Variants in RSAD1 observed in about 807,000 individuals in gnomAD.
RSAD1 encodes the protein radical S-adenosyl methionine domain containing 1.
RSAD1 carries 34 observed loss-of-function variants against 46.2 expected under a neutral mutation model. That is an observed-to-expected ratio of 0.74 (90% CI 0.56 to 0.98). The LOEUF (loss-of-function observed/expected upper bound fraction) is 0.98. Ranked by LOEUF, RSAD1 falls within the 50% of genes least tolerant of loss-of-function variation. The pLI, the probability that RSAD1 is intolerant of heterozygous loss-of-function variation, is 0.00. For missense variants in RSAD1, 635 were observed against 592.3 expected (o/e 1.07, Z -0.75); for synonymous variants, 260 against 253.5 (o/e 1.03, Z -0.24).
rs1378329892 is a variant in RSAD1, at chr17:50,483,711, A to C, written c.1058A>C (p.Glu353Ala). 1 of 1,613,164 alleles carries C rather than the reference A, an allele frequency of 6.2e-7. No individual in the cohort carries two copies. Reference protein sequence around the residue: ...RVPLGRLELLEEVLALGLRTD... With the variant: ...RVPLGRLELLAEVLALGLRTD... ...CTTGGTGATTTTTCTTTGAGGCTGGAGGAAGTTTTGGCCCTGGGGCTACGC... is the reference window on the plus strand; with the variant it reads ...CTTGGTGATTTTTCTTTGAGGCTGGCGGAAGTTTTGGCCCTGGGGCTACGC... Residue 353 changes from glutamate (E) to alanine (A), a missense_variant, in exon 7 of 9, where the codon GAG becomes GCG. Physicochemically the swap from Glu to Ala is moderately radical, Grantham distance 107. Transcript: ENST00000258955.
chr17:50,483,824 C>A, intron 7 of RSAD1, 64 bp downstream of exon 7: 2 of 1,440,784 alleles, frequency 1.4e-6, no homozygotes, highest in South Asian at 1.3e-5. Context: ...ATGCCCCCTC[C>A]CTGCCACCCC....
intron 7 of RSAD1, 106 bp downstream of exon 7, chr17:50,483,866 G>C: frequency 8.8e-7 from 1 of 1,132,198 alleles, no homozygotes; most frequent in Non-Finnish European, 1.2e-6. Context: ...ATTTCTGTGA[G>C]ATTGGCAGCT....
chr17:50,482,336 G>A lies in RSAD1; in HGVS notation c.720G>A (p.Val240=), dbSNP rs2033390854. ...LERGTALFAQ[V]QRGALPAPDP... ...GGGGCACCGCACTCTTCGCCCAGGTGCAGCGGGGTGCCCTTCCAGCCCCTG... is the reference window on the plus strand; with the variant it reads ...GGGGCACCGCACTCTTCGCCCAGGTACAGCGGGGTGCCCTTCCAGCCCCTG... The change falls in exon 4 of 9, where the codon GTG becomes GTA. Residue 240 remains valine, a synonymous_variant. Coordinates refer to ENST00000258955, the MANE Select transcript of RSAD1 (RefSeq NM_018346.3). 1.2e-6 allele frequency: 2 copies of A among 1,612,488 alleles called. No homozygotes were observed. Among genetic ancestry groups the A allele is most frequent in the South Asian group, 2.2e-5 (2 of 90,828 alleles).
chr17:50,479,559 G>T (rs2033352951), intron 1 of RSAD1, 70 bp from the exon 2 acceptor site: 2 of 1,598,526 alleles, frequency 1.3e-6, no homozygotes, highest in South Asian at 2.3e-5. Flanking sequence ...TGGGGTTGGG[G>T]GTGTGTGCGA....
rs2033427079 is a variant in RSAD1 at position 50,484,531 on chromosome 17, G to A, written c.1197G>A (p.Leu399=). 3.7e-6 allele frequency: 6 copies of A among 1,613,310 alleles called. No homozygotes were observed. The highest frequency in any genetic ancestry group is 1.6e-4 in the Middle Eastern group (1 of 6,062). Residue 399 remains leucine (L), a synonymous_variant, in exon 8 of 9, where the codon CTG becomes CTA. Transcript: ENST00000258955. ...AGGAGCTGCTGGAGCGGGGCCTACT[G>A]CAGCTGGATCACAGGTGTGTTGGGG... ...EVQELLERGL[L]QLDHRGLRCS...
intron 6 of RSAD1, 22 bp downstream of exon 6, chr17:50,483,509 G>T: frequency 2.5e-6 from 4 of 1,610,708 alleles, no homozygotes; most frequent in Non-Finnish European, 1.7e-6. Context: ...AGGGCACAGG[G>T]CTCTCCTCCA....
In RSAD1 at chr17:50,483,024, T is replaced by C. The variant is rs182742915; in HGVS notation, c.905-316T>C. On this transcript the variant is annotated intron_variant, in intron 5 of 8. Transcript: ENST00000258955. ...CAAGAATTTATATGTCTTGGCATTT[T>C]GGGATAGATGATTAAAAAAAAAAGA... 2.0e-3 allele frequency among the ~76,000 whole-genome samples: 294 copies of C among 150,168 alleles called. 1 individual carries two copies. The highest frequency in any genetic ancestry group is 6.4e-3 in the African/African-American group (262 of 40,670).
At position 50,478,986 on chromosome 17, in the gene RSAD1, G is replaced by C; in HGVS notation, c.102G>C (p.Glu34Asp). 1 of 1,387,822 alleles carries C rather than the reference G, an allele frequency of 7.2e-7. No individual in the cohort carries two copies. 86.0% of individuals were successfully genotyped at this position (1,387,822 alleles called of 1,614,324 possible). Residue 34 changes from glutamate to aspartate, a missense_variant, in exon 1 of 9, where the codon GAG becomes GAC. Glu to Asp is a conservative substitution (Grantham distance 45). Transcript: ENST00000258955. ...ACGCAGGAGGGTCCCCGAGTCCTGA[G>C]CCTGCGGGCCGGCGCGCGGCGCTTT... ...VENAGGSPSP[E>D]PAGRRAALYV... is the part of the protein sequence containing the mutation.
Position 50,483,754 on chromosome 17 carries a change from T to C in RSAD1, c.1101T>C (p.Thr367=). The change falls in exon 7 of 9, where the codon ACT becomes ACC. Residue 367 remains threonine (T), a synonymous_variant. Transcript: ENST00000258955. ...ALGLRTDVGI[T]HQHWQQFEPQ... ...GGCTACGCACCGATGTGGGGATCACTCACCAGGTAAGGAGTTAGGATTCTT... is the reference window on the plus strand; with the variant it reads ...GGCTACGCACCGATGTGGGGATCACCCACCAGGTAAGGAGTTAGGATTCTT... 6.2e-7 allele frequency: 1 copy of C among 1,609,448 alleles called. No homozygotes were observed. Among genetic ancestry groups the C allele is most frequent in the Non-Finnish European group, 8.5e-7 (1 of 1,178,700 alleles).
intron 4 of RSAD1, 93 bp downstream of exon 4, chr17:50,482,549 G>A (rs1479498504): frequency 6.2e-7 from 1 of 1,611,896 alleles, no homozygotes; most frequent in Non-Finnish European, 8.5e-7. Context: ...GATCCTGGCC[G>A]AGATGGTGGG....
chr17:50,484,212 G>A (rs1010065297), intron 7 of RSAD1: 9 of 543,006 alleles, frequency 1.7e-5, no homozygotes, highest in Non-Finnish European at 2.6e-5. Flanking sequence ...GAAGAGAGGA[G>A]GCATAGAGGA....
chr17:50,483,671 T>G (rs2033413780), intron 6 of RSAD1, 35 bp from the exon 7 acceptor site: 1 of 1,612,976 alleles, frequency 6.2e-7, no homozygotes, highest in Admixed American at 1.7e-5. Flanking sequence ...AGCACAGGCC[T>G]CCTCTCTAAG....
chr17:50,483,921 G>T, intron 7 of RSAD1, 161 bp downstream of exon 7: 1 of 660,928 alleles, frequency 1.5e-6, no homozygotes, highest in Non-Finnish European at 2.6e-6. Context: ...GGCAGAAGCA[G>T]TGAGCAGTGG....
Position 50,483,502 on chromosome 17 carries a change from G to A in RSAD1, c.1052+15G>A. 1 of 1,611,322 alleles carries A rather than the reference G, an allele frequency of 6.2e-7. No homozygotes were observed. Among genetic ancestry groups the A allele is most frequent in the Non-Finnish European group, 8.5e-7 (1 of 1,178,764 alleles). On this transcript the variant is annotated intron_variant, in intron 6 of 8. Coordinates refer to ENST00000258955, the MANE Select transcript of RSAD1 (RefSeq NM_018346.3). ...AGGCTGGAGCTGTGAGCATCCAAGG[G>A]CACAGGGCTCTCCTCCAGGATCCCC... is the stretch of plus-strand genomic sequence containing the variant.
At chr17:50,484,204 A>G in intron 7 of RSAD1, 1 of 527,652 alleles carries the variant, frequency 1.9e-6, no homozygotes, top group Non-Finnish European at 3.4e-6. Context: ...AGGGGAGGGA[A>G]GAGAGGAGGC....
At position 50,479,100 on chromosome 17, in the gene RSAD1, G is replaced by T. The variant is rs149537626; in HGVS notation, c.135+81G>T. 5.9e-4 allele frequency: 738 copies of T among 1,254,342 alleles called. 1 individual carries two copies. The highest frequency in any genetic ancestry group is 3.2e-3 in the Admixed American group (81 of 24,970). The allele number at this position is 1,254,342 out of a possible 1,614,324, so 77.7% of individuals were successfully genotyped here. A position where few individuals can be genotyped will look rare whatever the true frequency, so the allele number is the denominator to read the frequency against. ...CGTGGCCGTCCAAAACCCAGGTGGC[G>T]GTTTGTCACTCTATGAACCCGCCTG... On this transcript the variant is annotated intron_variant, in intron 1 of 8. Transcript: ENST00000258955.
Position 50,484,928 on chromosome 17 carries a change from ATCTCT to A in RSAD1, c.*72_*76del, listed in dbSNP as rs1211493164. On this transcript the variant is annotated 3_prime_UTR_variant, in exon 9 of 9. Coordinates refer to ENST00000258955, the MANE Select transcript of RSAD1 (RefSeq NM_018346.3). ...TGAGAGCTGGGTCGGTACTGCAGAC[ATCTCT>A]TCTCCGTTGTCGGGTGCCGTCTCTG... 36 of 1,274,450 alleles carry A rather than the reference ATCTCT, an allele frequency of 2.8e-5. No individual in the cohort carries two copies. In the African/African-American group the frequency reaches 4.7e-4, roughly 17 times the overall value. 78.9% of individuals were successfully genotyped at this position (1,274,450 alleles called of 1,614,324 possible). A position where few individuals can be genotyped will look rare whatever the true frequency, so the allele number is the denominator to read the frequency against.
chr17:50,484,687 G>A, intron 8 of RSAD1, 57 bp from the exon 9 acceptor site: 2 of 1,560,192 alleles, frequency 1.3e-6, no homozygotes, highest in Middle Eastern at 1.7e-4. Flanking sequence ...CCTGCTGGGT[G>A]ATGGGCTTGA....
At chr17:50,479,130 G>A in intron 1 of RSAD1, 111 bp downstream of exon 1, 1 of 1,162,834 alleles carries the variant, frequency 8.6e-7, no homozygotes, top group Non-Finnish European at 1.1e-6. Flanking sequence ...CGCCTGCCGT[G>A]TTTCCGTGCC....
Sources: allele counts gnomAD v4.1 joint callset (sites outside exome capture counted in the v4.1 genomes callset), GRCh38; gene constraint gnomAD v4.1.1; transcripts MANE v1.5; gene names NCBI Gene and HGNC (gene_info 2026-07-23, HGNC 2026-07-21).